Variants in MMS19 observed in about 807,000 individuals in gnomAD.
The protein encoded by MMS19 is MMS19 cytosolic iron-sulfur assembly component.
MMS19 carries 77 observed loss-of-function variants against 129.8 expected under a neutral mutation model. The observed-to-expected ratio is 0.59, with a 90% confidence interval of 0.49 to 0.72. The LOEUF (loss-of-function observed/expected upper bound fraction) is 0.72. Ranked by LOEUF, MMS19 falls within the 30% of genes least tolerant of loss-of-function variation. The pLI, the probability that MMS19 is intolerant of heterozygous loss-of-function variation, is 0.00. For missense variants in MMS19, 1,168 were observed against 1,266.3 expected, an observed-to-expected ratio of 0.92 and a Z score of 1.18; for synonymous variants, 491 against 502.8, an observed-to-expected ratio of 0.98 and a Z score of 0.31.
At chr10:97,469,765 A>G (rs959720576) in intron 10 of MMS19, 42 bp from the exon 11 acceptor site, 2 of 1,566,200 alleles carry the variant, frequency 1.3e-6, no homozygotes, top group Admixed American at 3.4e-5. Flanking sequence ...ACACACTCAG[A>G]CACCCTAGGA....
At chr10:97,487,027 A>G (rs2038030429) in intron 1 of MMS19, among the ~76,000 whole-genome samples, 1 of 151,306 alleles carries the variant, frequency 6.6e-6, no homozygotes, top group South Asian at 2.1e-4. Context: ...AGAAAAATAA[A>G]AAGTATACAC....
chr10:97,464,049 T>C (rs760049560), intron 18 of MMS19, 36 bp from the exon 19 acceptor site: 3 of 1,587,766 alleles, frequency 1.9e-6, no homozygotes, highest in South Asian at 1.1e-5. Context: ...AAGGTTTGCT[T>C]AAAAGCACTT....
chr10:97,482,873 A>C (rs2037122444), intron 2 of MMS19, among the ~76,000 whole-genome samples: 1 of 151,314 alleles, frequency 6.6e-6, no homozygotes, highest in Non-Finnish European at 1.5e-5. Flanking sequence ...CCATCCTCCT[A>C]CCTCAGCCTC....
chr10:97,492,761 A>T (rs2039128487), intron 1 of MMS19, among the ~76,000 whole-genome samples: 1 of 149,900 alleles, frequency 6.7e-6, no homozygotes, highest in South Asian at 2.2e-4. Flanking sequence ...TCGGAGGCTG[A>T]GGCAGAAGAG....
rs757044734 is a variant in MMS19, at chr10:97,476,848, C to T, written c.609G>A (p.Arg203=). Residue 203 remains arginine (R), a synonymous_variant, in exon 7 of 31, where the codon AGG becomes AGA. Transcript: ENST00000438925. The stretch of plus-strand genomic sequence containing the variant: ...ACCACGATATACCCAGGCTATAGTC[C>T]CTGGAGATGAGGTCATGGACGATGC... ...AFRIVHDLIS[R]DYSLGPFVEE... is the part of the protein sequence containing the mutation. 1 of 1,613,892 alleles carries T rather than the reference C, an allele frequency of 6.2e-7. No individual in the cohort carries two copies. The highest frequency in any genetic ancestry group is 8.5e-7 in the Non-Finnish European group (1 of 1,179,880).
In MMS19 at chr10:97,460,889, T is replaced by G. The variant is rs1349823049; in HGVS notation, c.2412+18A>C. On this transcript the variant is annotated intron_variant, in intron 24 of 30. Transcript: ENST00000438925. Reference sequence around the variant, plus strand: ...TAATTGCCTCTCTGGCTAACCAGACTCCACTCCAACTCCTTACCCAGAGAA... The same window carrying G: ...TAATTGCCTCTCTGGCTAACCAGACGCCACTCCAACTCCTTACCCAGAGAA... 3.2e-6 allele frequency: 5 copies of G among 1,562,454 alleles called. No homozygotes were observed. The highest frequency in any genetic ancestry group is 4.3e-6 in the Non-Finnish European group (5 of 1,150,178).
chr10:97,498,339 G>T lies in MMS19; in HGVS notation c.46C>A (p.Leu16Ile). The change falls in exon 1 of 31, where the codon CTA (leucine) becomes ATA (isoleucine). Residue 16 changes from leucine (L) to isoleucine (I), a missense_variant. Coordinates refer to ENST00000438925, the MANE Select transcript of MMS19 (RefSeq NM_022362.5). ...ACGAAGTCGTGCACGAGGCCCCATAGGGCACCCATAGGCGCCGCCGCCTCC... is the reference window on the plus strand; with the variant it reads ...ACGAAGTCGTGCACGAGGCCCCATATGGCACCCATAGGCGCCGCCGCCTCC... ...AVEAAAPMGA[L>I]WGLVHDFVVG... 1 of 1,574,224 alleles carries T rather than the reference G, an allele frequency of 6.4e-7. No homozygotes were observed.
chr10:97,484,474 C>CT (rs1272516540), intron 1 of MMS19, among the ~76,000 whole-genome samples: 1 of 151,822 alleles, frequency 6.6e-6, no homozygotes, highest in Non-Finnish European at 1.5e-5. Context: ...AATTTAAAAC[C>CT]TTCATATATA....
At chr10:97,484,783 G>A (rs1363606106) in intron 1 of MMS19, among the ~76,000 whole-genome samples, 1 of 152,118 alleles carries the variant, frequency 6.6e-6, no homozygotes, top group Non-Finnish European at 1.5e-5. Flanking sequence ...CAGGCGTGGT[G>A]GCATGTGCCT....
chr10:97,486,377 C>G (rs947349313), intron 1 of MMS19, among the ~76,000 whole-genome samples: 1 of 151,940 alleles, frequency 6.6e-6, no homozygotes, highest in Non-Finnish European at 1.5e-5. Context: ...GATGGGGTTT[C>G]GCCATGTTGG....
At chr10:97,469,550 TG>T in intron 11 of MMS19, 95 bp downstream of exon 11, 1 of 1,002,380 alleles carries the variant, frequency 1.0e-6, no homozygotes, top group Non-Finnish European at 1.5e-6. Flanking sequence ...ATCTTGGCCC[TG>T]GGGATGACAG....
At chr10:97,479,882 G>C (rs1011592660) in intron 3 of MMS19, among the ~76,000 whole-genome samples, 1 of 151,958 alleles carries the variant, frequency 6.6e-6, no homozygotes, top group African/African-American at 2.4e-5. Context: ...GAGGAAAAGG[G>C]GTCCTTGGGA....
At chr10:97,495,908 A>G (rs886567801) in intron 1 of MMS19, among the ~76,000 whole-genome samples, 5 of 152,212 alleles carry the variant, frequency 3.3e-5, no homozygotes, top group Non-Finnish European at 1.5e-5. Context: ...CAGCCTCCTG[A>G]GTAGCTGGGA....
chr10:97,469,013 G>T lies in MMS19; in HGVS notation c.1016C>A (p.Ala339Asp). Residue 339 changes from alanine (A) to aspartate (D), a missense_variant, in exon 12 of 31, where the codon GCT becomes GAT. By Grantham distance (126) the Ala-to-Asp change is moderately radical. Coordinates refer to ENST00000438925, the MANE Select transcript of MMS19 (RefSeq NM_022362.5). ...GGAGTCAAGGAGGTCCTCAGCATCA[G>T]CCCTCAGCACAGAGCGAGACAAACA... ...TACLSRSVLR[A>D]DAEDLLDSFL... is the part of the protein sequence containing the mutation. The T allele has an allele frequency of 6.3e-7, 1 of 1,588,026 alleles. No individual in the cohort carries two copies. Among genetic ancestry groups the T allele is most frequent in the Non-Finnish European group, 8.6e-7 (1 of 1,167,042 alleles).
chr10:97,466,497 T>C lies in MMS19; in HGVS notation c.1505+7A>G, dbSNP rs1481377245. 6.2e-7 allele frequency: 1 copy of C among 1,609,524 alleles called. No individual in the cohort carries two copies. The highest frequency in any genetic ancestry group is 2.2e-5 in the East Asian group (1 of 44,858). On this transcript the variant is annotated splice_region_variant and intron_variant, in intron 16 of 30. Transcript: ENST00000438925. The stretch of plus-strand genomic sequence containing the variant: ...GCTTGCTCTATCTCATTGCTTTAAA[T>C]TCTCACCAACTCTGGGAATCCTCCT...
intron 1 of MMS19, among the ~76,000 whole-genome samples, chr10:97,491,807 G>A (rs2038938083): frequency 6.6e-6 from 1 of 152,124 alleles, no homozygotes; most frequent in South Asian, 2.1e-4. Context: ...TCTTCATATA[G>A]CTTTCACAAA....
intron 1 of MMS19, among the ~76,000 whole-genome samples, chr10:97,497,081 G>A (rs778892474): frequency 6.6e-6 from 1 of 152,176 alleles, no homozygotes; most frequent in Non-Finnish European, 1.5e-5. Context: ...AAAATTGTAA[G>A]ATGTTAAGTT....
At chr10:97,466,750 C>T (rs746701638) in intron 15 of MMS19, 26 bp downstream of exon 15, 8 of 1,613,866 alleles carry the variant, frequency 5.0e-6, no homozygotes, top group Non-Finnish European at 5.9e-6. Context: ...CCAATATTTT[C>T]CTCTTCTCTT....
At chr10:97,461,751 T>C in intron 22 of MMS19, 77 bp downstream of exon 22, 1 of 1,552,722 alleles carries the variant, frequency 6.4e-7, no homozygotes, top group Non-Finnish European at 8.7e-7. Context: ...AAAGATCAGC[T>C]TAGCCTGTGG....
Sources: allele counts gnomAD v4.1 joint callset (sites outside exome capture counted in the v4.1 genomes callset), GRCh38; gene constraint gnomAD v4.1.1; transcripts MANE v1.5; gene names NCBI Gene and HGNC (gene_info 2026-07-23, HGNC 2026-07-21).